DEF8: variants seen among roughly 807,000 people sequenced by gnomAD.
The protein encoded by DEF8 is differentially expressed in FDCP 8 homolog, also known as DEF-8.
Under a neutral mutation model 59.1 loss-of-function variants are expected in DEF8, and 38 were observed. The observed-to-expected ratio is 0.64, with a 90% CI of 0.50 to 0.84. DEF8 has a LOEUF of 0.84. DEF8 is among the 40% of genes least tolerant of loss of function. The pLI is 0.00. For synonymous variants in DEF8, 265 were observed against 250.1 expected, an observed-to-expected ratio of 1.06 and a Z score of -0.56; for missense variants, 557 against 615.2, an observed-to-expected ratio of 0.91 and a Z score of 1.00.
In DEF8 at chr16:89,954,779, G is replaced by A. The variant is rs2032846051; in HGVS notation, c.125-390G>A. Among the ~76,000 whole-genome samples the A allele has an allele frequency of 6.6e-6, 1 of 152,204 alleles. No individual in the cohort carries two copies. The highest frequency in any genetic ancestry group is 2.4e-5 in the African/African-American group (1 of 41,442). On this transcript the variant is annotated intron_variant, in intron 3 of 12. Transcript: ENST00000563594. The surrounding 1 kb of genome is among the most constrained non-coding windows in gnomAD (Gnocchi z 4.3). ...AGGGAGTGCTTGGAGCGGGGCAGCT[G>A]CAGAGACGGCCTGGAGTCGACACTG...
chr16:89,959,812 T>A (rs576453670), intron 6 of DEF8, among the ~76,000 whole-genome samples: 1 of 152,366 alleles, frequency 6.6e-6, no homozygotes, highest in Non-Finnish European at 1.5e-5. Context: ...CACGTGACTT[T>A]TAAGCAAAAA....
Position 89,955,156 on chromosome 16 carries a change from C to G in DEF8, c.125-13C>G. ...GCAGCTGACGCTCCACACCTGTCCC[C>G]GTCTTCCTCCAGAGGCCCTGCCTGA... On this transcript the variant is annotated splice_polypyrimidine_tract_variant and intron_variant, in intron 3 of 12. Transcript: ENST00000563594. The G allele has an allele frequency of 6.2e-7, 1 of 1,607,580 alleles. No homozygotes were observed. The highest frequency in any genetic ancestry group is 8.5e-7 in the Non-Finnish European group (1 of 1,175,548).
intron 2 of DEF8, chr16:89,950,424 T>C (rs1159947846): frequency 2.4e-6 from 2 of 847,714 alleles, no homozygotes; most frequent in Admixed American, 1.3e-4. Flanking sequence ...AGTTTTGCTG[T>C]GTTGCCTAGG....
chr16:89,955,597 C>T (rs149698218), intron 4 of DEF8, among the ~76,000 whole-genome samples: 106 of 152,244 alleles, frequency 7.0e-4, no homozygotes, highest in Non-Finnish European at 1.3e-3. Flanking sequence ...AATAGATTCC[C>T]TCTGGGGTCC....
rs773040107 is a variant in DEF8 at position 89,955,283 on chromosome 16, C to T, written c.222+17C>T. 8 of 1,606,860 alleles carry T rather than the reference C, an allele frequency of 5.0e-6. No individual in the cohort carries two copies. The highest frequency in any genetic ancestry group is 1.6e-4 in the Middle Eastern group (1 of 6,080). On this transcript the variant is annotated intron_variant, in intron 4 of 12. Transcript: ENST00000563594. The stretch of plus-strand genomic sequence containing the variant: ...CGCCCTGTGGTAAGGTTTTAGATCT[C>T]GGAGGGGAGAGGGACTGAGGGAACC...
In DEF8 at chr16:89,965,934, CA is replaced by C; in HGVS notation, c.1328del (p.Gln443ArgfsTer126). ...CAGCCTGAGGAAGCAGTCGCTCTTC[CA>C]GGAGCCAGGTCCCGATGTGGAGGCC... ...RLSLRKQSLF[Q>X]EPGPDVEA On this transcript the variant is annotated frameshift_variant, in exon 13 of 13. Transcript: ENST00000563594. LOFTEE classifies it high-confidence loss of function. 1 of 1,613,558 alleles carries C rather than the reference CA, an allele frequency of 6.2e-7. No individual in the cohort carries two copies. The highest frequency in any genetic ancestry group is 8.5e-7 in the Non-Finnish European group (1 of 1,179,738).
chr16:89,961,527 C>G (rs887128227), intron 7 of DEF8, among the ~76,000 whole-genome samples: 30 of 152,174 alleles, frequency 2.0e-4, no homozygotes, highest in African/African-American at 6.3e-4. Context: ...TGCCTCGGTC[C>G]TACAGTGAGG....
At chr16:89,951,524 C>A (rs1249190333) in intron 2 of DEF8, among the ~76,000 whole-genome samples, 1 of 152,162 alleles carries the variant, frequency 6.6e-6, no homozygotes, top group Non-Finnish European at 1.5e-5. Context: ...GGATTACAGG[C>A]GTGAGCCACC....
At chr16:89,957,329 G>A (rs886301055) in intron 4 of DEF8, 182 bp from the exon 5 acceptor site, 8 of 595,980 alleles carry the variant, frequency 1.3e-5, no homozygotes, top group Non-Finnish European at 2.3e-5. Context: ...AGCACCGGGT[G>A]GACCTTGACC....
chr16:89,951,591 A>C (rs922296665), intron 2 of DEF8, among the ~76,000 whole-genome samples: 1 of 152,092 alleles, frequency 6.6e-6, no homozygotes, highest in Non-Finnish European at 1.5e-5. Context: ...AACCTCCCCT[A>C]TAACACTGGT....
At chr16:89,949,106 A>G (rs866755975) in intron 1 of DEF8, among the ~76,000 whole-genome samples, 247 of 7,868 alleles carry the variant, frequency 0.031, 1 homozygote, top group African/African-American at 0.079. Context: ...GGGGCCGGCG[A>G]GGTCGGGGCC....
At chr16:89,950,526 T>A (rs536940107) in intron 2 of DEF8, among the ~76,000 whole-genome samples, 49 of 152,226 alleles carry the variant, frequency 3.2e-4, no homozygotes, top group African/African-American at 8.7e-4. Context: ...GTAGCTGGAT[T>A]ACAGGCATGC....
chr16:89,957,754 G>A lies in DEF8; in HGVS notation c.372+94G>A, dbSNP rs562216716. 3.5e-4 allele frequency: 495 copies of A among 1,404,490 alleles called. No individual in the cohort carries two copies. The African/African-American group carries it at 6.5e-3, about 19-fold the overall frequency. The allele number at this position is 1,404,490 out of a possible 1,614,324, so 87.0% of individuals were successfully genotyped here. ...CCTGCCAGCCTCTGGCTCTCTCTCA[G>A]GCGGTGGTCTCTCTCTCGGCCTCAG... On this transcript the variant is annotated intron_variant, in intron 5 of 12. Coordinates refer to ENST00000563594, the MANE Select transcript of DEF8 (RefSeq NM_001242818.2).
At chr16:89,953,060 A>G (rs2032488758) in intron 2 of DEF8, among the ~76,000 whole-genome samples, 1 of 152,244 alleles carries the variant, frequency 6.6e-6, no homozygotes, top group Non-Finnish European at 1.5e-5. Flanking sequence ...ATTGATTATT[A>G]TAATTGTGAA....
At chr16:89,955,048 C>T (rs1684900142) in intron 3 of DEF8, 121 bp from the exon 4 acceptor site, 1 of 714,026 alleles carries the variant, frequency 1.4e-6, no homozygotes. Context: ...TCTCACGGTG[C>T]CTCCTTTCTG....
At chr16:89,960,502 C>A (rs56375188) in intron 6 of DEF8, among the ~76,000 whole-genome samples, 1 of 151,986 alleles carries the variant, frequency 6.6e-6, no homozygotes, top group African/African-American at 2.4e-5. Flanking sequence ...GAGCAAGACC[C>A]TGTCTCTTAA....
intron 2 of DEF8, among the ~76,000 whole-genome samples, chr16:89,951,261 T>C (rs137995355): frequency 0.011 from 1,539 of 145,750 alleles, 25 homozygotes; most frequent in Admixed American, 0.019. Flanking sequence ...GAATCTTTTC[T>C]TTTTTTTTTT....
intron 2 of DEF8, 58 bp downstream of exon 2, chr16:89,949,571 G>A: frequency 1.2e-6 from 2 of 1,613,340 alleles, no homozygotes; most frequent in South Asian, 1.1e-5. Flanking sequence ...TCAGGTTCTC[G>A]GGGTGGCAGC....
In DEF8 at chr16:89,959,144, A is replaced by G; in HGVS notation, c.503A>G (p.Tyr168Cys). ...TIIWGLIQTW[Y>C]TCTGCYYRCH... ...ATCTGGGGGCTCATTCAGACCTGGT[A>G]CACCTGCACAGGTGGGCCGAGACCC... The change falls in exon 6 of 13, where the codon TAC (tyrosine) becomes TGC (cysteine). Residue 168 changes from tyrosine (Y) to cysteine (C), a missense_variant. Coordinates refer to ENST00000563594, the MANE Select transcript of DEF8 (RefSeq NM_001242818.2). The G allele has an allele frequency of 6.2e-7, 1 of 1,613,838 alleles. No individual in the cohort carries two copies. The highest frequency in any genetic ancestry group is 1.1e-5 in the South Asian group (1 of 91,082).
Sources: allele counts gnomAD v4.1 joint callset (sites outside exome capture counted in the v4.1 genomes callset), GRCh38; gene constraint gnomAD v4.1.1; non-coding constraint Gnocchi (gnomAD v3.1); transcripts MANE v1.5; gene names NCBI Gene and HGNC (gene_info 2026-07-23, HGNC 2026-07-21).